The following CDCA7L variants were observed in gnomAD, a reference collection of about 807,000 sequenced individuals.
The protein encoded by CDCA7L is cell division cycle-associated 7-like protein.
Under a neutral mutation model 57.4 loss-of-function variants are expected in CDCA7L, and 44 were observed. That is an observed-to-expected ratio of 0.77 (90% CI 0.60 to 0.98). The LOEUF is 0.98. Ranked by LOEUF, CDCA7L falls within the 50% of genes least tolerant of loss-of-function variation. CDCA7L has a pLI of 0.00. For missense variants in CDCA7L, 644 were observed against 580.6 expected (o/e 1.11, Z -1.12); for synonymous variants, 236 against 202.8 (o/e 1.16, Z -1.39).
Position 21,900,975 on chromosome 7 carries a change from AC to A in CDCA7L, c.*1346del. ...TCATTATCATTAGTAGCAAGCTGCC[AC>A]ACAATTGCAACCGCTGTGTTTTTGC... is the stretch of plus-strand genomic sequence containing the variant. On this transcript the variant is annotated 3_prime_UTR_variant, in exon 10 of 10. Transcript: ENST00000406877. 6.5e-7 allele frequency: 1 copy of A among 1,538,904 alleles called. No homozygotes were observed. Among genetic ancestry groups the A allele is most frequent in the Non-Finnish European group, 8.7e-7 (1 of 1,143,916 alleles).
chr7:21,906,428 G>A lies in CDCA7L; in HGVS notation c.782C>T (p.Ser261Leu), dbSNP rs763552835. The change falls in exon 6 of 10, where the codon TCG (serine) becomes TTG (leucine). Residue 261 changes from serine to leucine, a missense_variant. By Grantham distance (145) the Ser-to-Leu change is moderately radical. Coordinates refer to ENST00000406877, the MANE Select transcript of CDCA7L (RefSeq NM_018719.5). ...SRKKTVRRAFSEGQITRRMNP... is the reference protein window; with the variant it reads ...SRKKTVRRAFLEGQITRRMNP... ...CATACGCCGCGTGATCTGTCCCTCC[G>A]AGAAGGCCCGCCTCACTGTCTTCTT... 86 of 1,611,000 alleles carry A rather than the reference G, an allele frequency of 5.3e-5. No individual in the cohort carries two copies. Among genetic ancestry groups the A allele is most frequent in the Middle Eastern group, 1.7e-4 (1 of 6,028 alleles).
At position 21,902,159 on chromosome 7, in the gene CDCA7L, A is replaced by ATCTT. The variant is rs1161255443; in HGVS notation, c.*159_*162dup. ...CTCTGCTCTGCTGTCTTCCTGAGAAATCTTTGTAAGCATATAAACAATCTT... is the reference window on the plus strand; with the variant it reads ...CTCTGCTCTGCTGTCTTCCTGAGAAATCTTTCTTTGTAAGCATATAAACAATCTT... On this transcript the variant is annotated 3_prime_UTR_variant, in exon 10 of 10. Transcript: ENST00000406877. 7 of 698,552 alleles carry ATCTT rather than the reference A, an allele frequency of 1.0e-5. No individual in the cohort carries two copies. The highest frequency in any genetic ancestry group is 1.8e-5 in the South Asian group (1 of 56,208). The allele number at this position is 698,552 out of a possible 1,614,324, so 43.3% of individuals were successfully genotyped here.
chr7:21,925,733 T>TA (rs1785804774), intron 1 of CDCA7L, among the ~76,000 whole-genome samples: 1 of 151,798 alleles, frequency 6.6e-6, no homozygotes, highest in East Asian at 1.9e-4. Flanking sequence ...CTACAAAACA[T>TA]AAAAAATTAG....
chr7:21,916,281 A>G (rs1226143743), intron 2 of CDCA7L, among the ~76,000 whole-genome samples: 1 of 152,138 alleles, frequency 6.6e-6, no homozygotes, highest in Non-Finnish European at 1.5e-5. Context: ...TGAGTGCTAG[A>G]GATCAAAGTA....
chr7:21,924,491 C>T (rs947671339), intron 1 of CDCA7L, among the ~76,000 whole-genome samples: 44 of 152,264 alleles, frequency 2.9e-4, no homozygotes, highest in African/African-American at 9.1e-4. Context: ...TAACACACCA[C>T]GAAGGGCGAG....
At position 21,926,566 on chromosome 7, in the gene CDCA7L, T is replaced by A. The variant is rs550938125; in HGVS notation, c.25-9672A>T. On this transcript the variant is annotated intron_variant, in intron 1 of 9. Coordinates refer to ENST00000406877, the MANE Select transcript of CDCA7L (RefSeq NM_018719.5). ...CACACATCAGTGGTCATTAAGGAACTGCAAACCAAAAATAGGTAATACTGG... is the reference window on the plus strand; with the variant it reads ...CACACATCAGTGGTCATTAAGGAACAGCAAACCAAAAATAGGTAATACTGG... Among the ~76,000 whole-genome samples the A allele has an allele frequency of 7.8e-4, 118 of 152,222 alleles. 1 individual carries two copies. The highest frequency in any genetic ancestry group is 2.7e-3 in the African/African-American group (114 of 41,538).
intron 1 of CDCA7L, among the ~76,000 whole-genome samples, chr7:21,945,465 G>A (rs949213400): frequency 6.6e-6 from 1 of 152,014 alleles, no homozygotes; most frequent in Non-Finnish European, 1.5e-5. Flanking sequence ...GTCTCACGAG[G>A]GCTGCAAACG....
At chr7:21,934,600 T>TA (rs958711598) in intron 1 of CDCA7L, among the ~76,000 whole-genome samples, 2 of 152,162 alleles carry the variant, frequency 1.3e-5, no homozygotes, top group Non-Finnish European at 2.9e-5. Context: ...TTAAATGTGT[T>TA]AAACTCCAAA....
At position 21,903,215 on chromosome 7, in the gene CDCA7L, C is replaced by T. The variant is rs562310398; in HGVS notation, c.1198-101G>A. On this transcript the variant is annotated intron_variant, in intron 8 of 9. Transcript: ENST00000406877. ...TGGCTCAGCTGGCCTCTCCTCCAAC[C>T]TTTAATCACATGGCATCTTTCAGTC... 4.3e-4 allele frequency: 491 copies of T among 1,130,654 alleles called. No homozygotes were observed. In the African/African-American group the frequency reaches 5.5e-3, roughly 13 times the overall value. The allele number at this position is 1,130,654 out of a possible 1,614,324, so 70.0% of individuals were successfully genotyped here.
chr7:21,908,290 T>A lies in CDCA7L; in HGVS notation c.521A>T (p.Asn174Ile). The part of the protein sequence containing the change: ...EQLFSSARLQ[N>I]EKKTILERKK... ...TCTTTCAAGAATTGTTTTTTTCTCA[T>A]TCTGTAAGCGTGCGCTAGAAAACAA... The change falls in exon 4 of 10, where the codon AAT (asparagine) becomes ATT (isoleucine). Residue 174 changes from asparagine (N) to isoleucine (I), a missense_variant. Physicochemically the swap from Asn to Ile is moderately radical, Grantham distance 149. Coordinates refer to ENST00000406877, the MANE Select transcript of CDCA7L (RefSeq NM_018719.5). 6.2e-7 allele frequency: 1 copy of A among 1,612,968 alleles called. No individual in the cohort carries two copies.
chr7:21,936,927 C>G (rs771264731), intron 1 of CDCA7L, among the ~76,000 whole-genome samples: 3 of 152,078 alleles, frequency 2.0e-5, no homozygotes, highest in Non-Finnish European at 4.4e-5. Flanking sequence ...AGAGATTACA[C>G]AAAAAGTAGT....
rs112448192 is a variant in CDCA7L, at chr7:21,927,085, C to A, written c.25-10191G>T. On this transcript the variant is annotated intron_variant, in intron 1 of 9. Coordinates refer to ENST00000406877, the MANE Select transcript of CDCA7L (RefSeq NM_018719.5). ...AAGACTGGAAGAGGTGGCCACTTCT[C>A]GAATATTTAATTCTCAACAAAAGAA... Among the ~76,000 whole-genome samples the A allele has an allele frequency of 1.9e-3, 287 of 152,110 alleles. 1 individual carries two copies. Among genetic ancestry groups the A allele is most frequent in the Middle Eastern group, 6.8e-3 (2 of 294 alleles).
At chr7:21,906,019 G>A (rs900838990) in intron 6 of CDCA7L, among the ~76,000 whole-genome samples, 1 of 152,240 alleles carries the variant, frequency 6.6e-6, no homozygotes, top group African/African-American at 2.4e-5. Context: ...CTGCAGCAGA[G>A]ATTAAAGCAG....
chr7:21,902,811 A>T, intron 9 of CDCA7L, 167 bp downstream of exon 9: 1 of 624,144 alleles, frequency 1.6e-6, no homozygotes, highest in Non-Finnish European at 2.7e-6. Context: ...TAGGGAAAAT[A>T]TCAGGCCTGA....
chr7:21,906,395 G>C lies in CDCA7L; in HGVS notation c.815C>G (p.Thr272Ser), dbSNP rs770728898. Residue 272 changes from threonine to serine, a missense_variant, in exon 6 of 10, where the codon ACC becomes AGC. Physicochemically the swap from Thr to Ser is moderately conservative, Grantham distance 58 (BLOSUM62 1). Transcript: ENST00000406877. ...CTTCTCAGGAGGCCGCGCACTCCGGGTTGGGTTCATACGCCGCGTGATCTG... is the reference window on the plus strand; with the variant it reads ...CTTCTCAGGAGGCCGCGCACTCCGGCTTGGGTTCATACGCCGCGTGATCTG... ...EGQITRRMNP[T>S]RSARPPEKFA... The C allele has an allele frequency of 1.9e-6, 3 of 1,613,842 alleles. No individual in the cohort carries two copies. The highest frequency in any genetic ancestry group is 2.5e-6 in the Non-Finnish European group (3 of 1,179,862).
intron 1 of CDCA7L, among the ~76,000 whole-genome samples, chr7:21,919,616 C>A (rs1207188931): frequency 6.6e-6 from 1 of 152,116 alleles, no homozygotes; most frequent in East Asian, 1.9e-4. Context: ...CATGGTGACA[C>A]CCTGAATTCA....
chr7:21,914,891 AGAAGCAG>A (rs1785432913), intron 2 of CDCA7L, among the ~76,000 whole-genome samples: 2 of 152,190 alleles, frequency 1.3e-5, no homozygotes, highest in African/African-American at 4.8e-5. Flanking sequence ...TCATAGCAGC[AGAAGCAG>A]CTGTTCTGTT....
chr7:21,940,343 G>T, intron 1 of CDCA7L: 1 of 979,082 alleles, frequency 1.0e-6, no homozygotes, highest in Non-Finnish European at 1.2e-6. Flanking sequence ...CTATATAAAT[G>T]TTAATTAAAA....
chr7:21,911,486 G>T, intron 3 of CDCA7L, 131 bp downstream of exon 3: 1 of 1,143,514 alleles, frequency 8.7e-7, no homozygotes, highest in South Asian at 1.7e-5. Context: ...TTTAGGTTAT[G>T]TTAATTGCTT....
Sources: allele counts gnomAD v4.1 joint callset (sites outside exome capture counted in the v4.1 genomes callset), GRCh38; gene constraint gnomAD v4.1.1; transcripts MANE v1.5; gene names NCBI Gene and HGNC (gene_info 2026-07-23, HGNC 2026-07-21).